The following TCF4 variants were observed in gnomAD, a reference collection of about 807,000 sequenced individuals.
TCF4 encodes the protein transcription factor 4.
In TCF4, 3 loss-of-function variants were observed where a neutral mutation model predicts 82.1. The ratio of observed to expected loss-of-function variants is 0.04; its 90% CI spans 0.02 to 0.09. The LOEUF is 0.09. Ranked by LOEUF, TCF4 falls within the 10% of genes least tolerant of loss-of-function variation. The pLI is 1.00. For synonymous variants in TCF4, 276 were observed against 309.6 expected (o/e 0.89, Z 1.14); for missense variants, 518 against 852.7 (o/e 0.61, Z 4.89).
At chr18:55,263,516 G>A (rs927663241) in intron 11 of TCF4, among the ~76,000 whole-genome samples, 5 of 152,054 alleles carry the variant, frequency 3.3e-5, no homozygotes, top group Non-Finnish European at 5.9e-5. Flanking sequence ...CAGGAGAATC[G>A]CTTGAACCTG....
intron 3 of TCF4, among the ~76,000 whole-genome samples, chr18:55,568,905 T>G (rs1009791609): frequency 3.9e-5 from 6 of 152,156 alleles, no homozygotes; most frequent in Admixed American, 3.9e-4. Flanking sequence ...CATCATTAAT[T>G]TCATCCACAA....
intron 3 of TCF4, among the ~76,000 whole-genome samples, chr18:55,515,978 G>A (rs1242513903): frequency 6.6e-6 from 1 of 152,112 alleles, no homozygotes; most frequent in Non-Finnish European, 1.5e-5. Flanking sequence ...GAGGATGAAG[G>A]TAACAGCTAT....
In TCF4 at chr18:55,621,501, CATTATATATATATTATATAAT is replaced by C. The variant is rs1185656766; in HGVS notation, c.286+9776_286+9796del. 6.8e-4 allele frequency among the ~76,000 whole-genome samples: 2 copies of C among 2,954 alleles called. 1 individual carries two copies. 1.9% of individuals were successfully genotyped at this position (2,954 alleles called of 152,430 possible). ...AATATAATATATATTATATAATGTA[CATTATATATATATTATATAAT>C]ATTATATAATATATATATTATATTA... On this transcript the variant is annotated intron_variant, in intron 2 of 20. Coordinates refer to the TCF4 transcript ENST00000398339.
At chr18:55,371,150 C>T (rs759328826) in intron 6 of TCF4, among the ~76,000 whole-genome samples, 1 of 152,130 alleles carries the variant, frequency 6.6e-6, no homozygotes, top group Non-Finnish European at 1.5e-5. Flanking sequence ...TATTTTTATT[C>T]CTCCTCCACT....
chr18:55,246,023 A>G (rs1323933179), intron 15 of TCF4, among the ~76,000 whole-genome samples: 5 of 152,226 alleles, frequency 3.3e-5, no homozygotes, highest in Admixed American at 3.3e-4. Flanking sequence ...CTGAGAAAAT[A>G]AGGGTAATAT....
intron 5 of TCF4, among the ~76,000 whole-genome samples, chr18:55,415,416 G>A (rs1430508844): frequency 6.6e-6 from 1 of 151,806 alleles, no homozygotes; most frequent in African/African-American, 2.4e-5. Flanking sequence ...AAAAGTAAAA[G>A]AAAGAAAGAA....
intron 8 of TCF4, chr18:55,302,665 TA>T: frequency 6.8e-7 from 1 of 1,462,848 alleles, no homozygotes; most frequent in Non-Finnish European, 9.1e-7. Context: ...GTGGCTGGCC[TA>T]GGGGTGGGAG....
At chr18:55,557,041 T>A (rs1047899959) in intron 3 of TCF4, among the ~76,000 whole-genome samples, 1 of 152,332 alleles carries the variant, frequency 6.6e-6, no homozygotes, top group East Asian at 1.9e-4. Context: ...GCTTTTGCTA[T>A]ACCCATCTCC....
chr18:55,368,879 G>A (rs1174700223), intron 6 of TCF4, among the ~76,000 whole-genome samples: 4 of 152,182 alleles, frequency 2.6e-5, no homozygotes, highest in African/African-American at 4.8e-5. Flanking sequence ...ACTGAGGAAC[G>A]TCAGTTCTTA....
intron 6 of TCF4, among the ~76,000 whole-genome samples, chr18:55,387,329 A>G (rs1397003668): frequency 6.6e-6 from 1 of 152,236 alleles, no homozygotes; most frequent in Non-Finnish European, 1.5e-5. Flanking sequence ...AGGCCTTATC[A>G]GTCCTCTGGG....
chr18:55,358,572 TG>T (rs1294014176), intron 6 of TCF4, among the ~76,000 whole-genome samples: 1 of 152,246 alleles, frequency 6.6e-6, no homozygotes, highest in Non-Finnish European at 1.5e-5. Flanking sequence ...CAATGCCATG[TG>T]GCTGGCAAGC....
intron 2 of TCF4, among the ~76,000 whole-genome samples, chr18:55,620,187 T>C (rs1480164168): frequency 1.3e-5 from 2 of 152,224 alleles, no homozygotes; most frequent in Non-Finnish European, 2.9e-5. Context: ...CCAGCCATGC[T>C]GAACTATGAG....
chr18:55,247,549 A>G (rs888051153), intron 15 of TCF4, among the ~76,000 whole-genome samples: 2 of 152,216 alleles, frequency 1.3e-5, no homozygotes, highest in Non-Finnish European at 2.9e-5. Context: ...TAATGAAGAT[A>G]CAAGGTACTG....
intron 3 of TCF4, among the ~76,000 whole-genome samples, chr18:55,569,683 T>C (rs966764897): frequency 6.6e-6 from 1 of 152,002 alleles, no homozygotes; most frequent in Non-Finnish European, 1.5e-5. Context: ...TCAGAAAATG[T>C]AAAACTTCAT....
At chr18:55,539,904 C>T (rs1033664333) in intron 3 of TCF4, among the ~76,000 whole-genome samples, 4 of 152,022 alleles carry the variant, frequency 2.6e-5, no homozygotes, top group East Asian at 1.9e-4. Flanking sequence ...ACACAGAAAT[C>T]GTTCATTTAT....
At position 55,547,408 on chromosome 18, in the gene TCF4, T is replaced by C. The variant is rs568797189; in HGVS notation, c.145+37872A>G. 1.6e-4 allele frequency among the ~76,000 whole-genome samples: 25 copies of C among 152,332 alleles called. 1 individual carries two copies. The South Asian group carries it at 4.3e-3, about 26-fold the overall frequency. On this transcript the variant is annotated intron_variant, in intron 3 of 19. Coordinates refer to ENST00000354452, the MANE Select transcript of TCF4 (RefSeq NM_001083962.2). ...AACATTCTGATGGGTTAGATGGAAC[T>C]GGTCACTTGTTTGAAAACATTTATT... is the stretch of plus-strand genomic sequence containing the variant.
chr18:55,635,049 G>A (rs1214573385), intron 1 of TCF4, among the ~76,000 whole-genome samples: 1 of 152,184 alleles, frequency 6.6e-6, no homozygotes, highest in African/African-American at 2.4e-5. Context: ...CTGGAGATGT[G>A]GTTTTATAAA....
At chr18:55,600,808 T>A (rs1169717380) in intron 2 of TCF4, among the ~76,000 whole-genome samples, 1 of 152,262 alleles carries the variant, frequency 6.6e-6, no homozygotes, top group Non-Finnish European at 1.5e-5. Flanking sequence ...AAAAAAATTC[T>A]GTATTGAACA....
At position 55,222,786 on chromosome 18, in the gene TCF4, A is replaced by G. The variant is rs1318350095; in HGVS notation, c.*5249T>C. 1.3e-5 allele frequency: 2 copies of G among 152,656 alleles called. No homozygotes were observed. Among genetic ancestry groups the G allele is most frequent in the Non-Finnish European group, 2.9e-5 (2 of 68,042 alleles). 9.5% of individuals were successfully genotyped at this position (152,656 alleles called of 1,614,324 possible). On this transcript the variant is annotated 3_prime_UTR_variant, in exon 20 of 20. Transcript: ENST00000354452. ...CTACAAAAATATTAACTTACAGTAC[A>G]TAACACTGAATAATTTTAATCTGTA... is the stretch of plus-strand genomic sequence containing the variant.
Sources: allele counts gnomAD v4.1 joint callset (sites outside exome capture counted in the v4.1 genomes callset), GRCh38; gene constraint gnomAD v4.1.1; transcripts MANE v1.5; gene names NCBI Gene and HGNC (gene_info 2026-07-23, HGNC 2026-07-21).